The following GAK variants were observed in gnomAD, a reference collection of about 807,000 sequenced individuals.
The protein encoded by GAK is cyclin-G-associated kinase.
A neutral mutation model predicts 143.9 loss-of-function variants in GAK; 79 were observed. The observed-to-expected ratio is 0.55, with a 90% CI of 0.46 to 0.66. The LOEUF (loss-of-function observed/expected upper bound fraction) is 0.66, where lower values mean the gene tolerates loss of function less well. Among genes scored for constraint, GAK ranks in the 30% least tolerant of loss-of-function variants. GAK has a pLI of 0.00. For missense variants in GAK, 1,693 were observed against 1,779.7 expected (o/e 0.95, Z 0.88); for synonymous variants, 881 against 765.5 (o/e 1.15, Z -2.49).
chr4:877,234 T>A (rs1186218670), intron 16 of GAK, 27 bp from the exon 17 acceptor site: 2 of 1,521,042 alleles, frequency 1.3e-6, no homozygotes, highest in African/African-American at 1.4e-5. Context: ...AAGAGAAAAA[T>A]TTTAAAAACC....
At chr4:895,405 G>A (rs891700089) in intron 7 of GAK, among the ~76,000 whole-genome samples, 4 of 152,238 alleles carry the variant, frequency 2.6e-5, no homozygotes, top group South Asian at 2.1e-4. Flanking sequence ...GTCCTCGTGC[G>A]GGATGTGCAG....
chr4:855,984 G>A (rs1361538416), intron 24 of GAK, among the ~76,000 whole-genome samples: 1 of 152,174 alleles, frequency 6.6e-6, no homozygotes, highest in Non-Finnish European at 1.5e-5. Flanking sequence ...AAAGATGTTG[G>A]CTGCAGGTTT....
chr4:882,041 C>T lies in GAK; in HGVS notation c.1528-1G>A. Reference sequence around the variant, plus strand: ...CCACAGCAGACGCGGCTCTCCCGTCCTAGGACAGACAGACACGTCTCGCGT... The same window carrying T: ...CCACAGCAGACGCGGCTCTCCCGTCTTAGGACAGACAGACACGTCTCGCGT... On this transcript the variant is annotated splice_acceptor_variant, in intron 14 of 27. Transcript: ENST00000314167. LOFTEE classifies it high-confidence loss of function. 6.2e-7 allele frequency: 1 copy of T among 1,601,396 alleles called. No homozygotes were observed. Among genetic ancestry groups the T allele is most frequent in the East Asian group, 2.3e-5 (1 of 44,418 alleles).
At chr4:868,162 G>A (rs1005750876) in intron 20 of GAK, among the ~76,000 whole-genome samples, 1 of 152,128 alleles carries the variant, frequency 6.6e-6, no homozygotes, top group African/African-American at 2.4e-5. Context: ...CTGGGGGTGT[G>A]GGCAAAGAGA....
Position 870,844 on chromosome 4 carries a change from C to G in GAK, c.2115G>C (p.Leu705=). ...EKYPDLFQVN[L]EVEVEPRDRP... is the part of the protein sequence containing the mutation. ...TGTCCCTGGGCTCCACCTCCACTTCCAGGTTCACTTGAAATAAATCCGGGT... is the reference window on the plus strand; with the variant it reads ...TGTCCCTGGGCTCCACCTCCACTTCGAGGTTCACTTGAAATAAATCCGGGT... Residue 705 remains leucine (L), a synonymous_variant, in exon 19 of 28, where the codon CTG becomes CTC. Transcript: ENST00000314167. 1 of 1,614,110 alleles carries G rather than the reference C, an allele frequency of 6.2e-7. No homozygotes were observed. Among genetic ancestry groups the G allele is most frequent in the Non-Finnish European group, 8.5e-7 (1 of 1,180,002 alleles).
intron 1 of GAK, among the ~76,000 whole-genome samples, chr4:916,732 T>C (rs4690332): frequency 0.69 from 104,573 of 152,098 alleles, 36,106 homozygotes; most frequent in South Asian, 0.84. Context: ...GGAATGCTTA[T>C]GCACAGCTTT....
At chr4:904,516 A>T (rs1321066543) in intron 5 of GAK, 121 bp downstream of exon 5, 1 of 745,906 alleles carries the variant, frequency 1.3e-6, no homozygotes. Context: ...ACCGAGCGGG[A>T]CCCGCACACA....
intron 1 of GAK, among the ~76,000 whole-genome samples, chr4:916,165 C>T (rs756788264): frequency 6.6e-6 from 1 of 152,186 alleles, no homozygotes; most frequent in Non-Finnish European, 1.5e-5. Flanking sequence ...GAAAACTGGT[C>T]AGAGGATGAA....
At chr4:904,836 C>G (rs1577253428) in intron 4 of GAK, 57 bp from the exon 5 acceptor site, 1 of 1,570,148 alleles carries the variant, frequency 6.4e-7, no homozygotes, top group African/African-American at 1.4e-5. Context: ...AGACAGGGAA[C>G]CTAGGGCTGT....
chr4:876,732 GC>G (rs1560332899), intron 17 of GAK, 123 bp from the exon 18 acceptor site: 2 of 788,336 alleles, frequency 2.5e-6, no homozygotes, highest in Non-Finnish European at 4.3e-6. Flanking sequence ...CATGGACGGC[GC>G]CCCCGTGCCA....
At chr4:849,833 G>GGGGGGGGGGGCCCCCCC in intron 27 of GAK, 59 bp from the exon 28 acceptor site, 1 of 1,190,150 alleles carries the variant, frequency 8.4e-7, no homozygotes, top group Non-Finnish European at 1.2e-6. Context: ...GGCGGGGCAG[G>GGGGGGGGGGGCCCCCCC]ACCCCCCCCC....
chr4:932,249 C>T lies in GAK; in HGVS notation c.-62G>A, dbSNP rs574614112. Reference sequence around the variant, plus strand: ...GGTCGGGCTCGGGCTCCCGCTCCCTCGCCGTCCGGGTCAGCTCAGCAACCG... The same window carrying T: ...GGTCGGGCTCGGGCTCCCGCTCCCTTGCCGTCCGGGTCAGCTCAGCAACCG... On this transcript the variant is annotated 5_prime_UTR_variant, in exon 1 of 28. Coordinates refer to ENST00000314167, the MANE Select transcript of GAK (RefSeq NM_005255.4). The surrounding 1 kb of genome is among the most constrained non-coding windows in gnomAD (Gnocchi z 4.0). 1.4e-6 allele frequency: 2 copies of T among 1,464,058 alleles called. No individual in the cohort carries two copies. Among genetic ancestry groups the T allele is most frequent in the East Asian group, 2.8e-5 (1 of 35,736 alleles). 90.7% of individuals were successfully genotyped at this position (1,464,058 alleles called of 1,614,324 possible). A position where few individuals can be genotyped will look rare whatever the true frequency, so the allele number is the denominator to read the frequency against.
intron 15 of GAK, among the ~76,000 whole-genome samples, chr4:881,674 C>G (rs1715135926): frequency 6.6e-6 from 1 of 152,276 alleles, no homozygotes; most frequent in African/African-American, 2.4e-5. Context: ...CATGCACAAG[C>G]TGGGCAGGTG....
chr4:895,071 C>T (rs887313318), intron 7 of GAK, among the ~76,000 whole-genome samples: 1 of 152,204 alleles, frequency 6.6e-6, no homozygotes, highest in Admixed American at 6.5e-5. Flanking sequence ...GATCTATGAG[C>T]TGGTGGGACC....
chr4:874,009 T>A (rs1044828244), intron 18 of GAK, among the ~76,000 whole-genome samples: 1 of 152,206 alleles, frequency 6.6e-6, no homozygotes, highest in African/African-American at 2.4e-5. Flanking sequence ...ATATTTTTTG[T>A]TCCATTTTTC....
chr4:913,312 C>T (rs1722368542), intron 2 of GAK, among the ~76,000 whole-genome samples: 3 of 152,218 alleles, frequency 2.0e-5, no homozygotes, highest in Admixed American at 2.0e-4. Context: ...ATTCATAGAG[C>T]CCTTATTTTG....
At chr4:866,329 C>T (rs957630121) in intron 22 of GAK, 35 bp downstream of exon 22, 4 of 1,604,476 alleles carry the variant, frequency 2.5e-6, no homozygotes, top group Admixed American at 3.3e-5. Context: ...GGGAGGCGGC[C>T]ATGGAGAGCT....
At chr4:850,374 C>T in intron 26 of GAK, 1 of 317,144 alleles carries the variant, frequency 3.2e-6, no homozygotes, top group Non-Finnish European at 5.8e-6. Context: ...ATCCCAGGCC[C>T]CAGACTCCGA....
chr4:883,321 G>A lies in GAK; in HGVS notation c.1398C>T (p.His466=), dbSNP rs1002026008. The change falls in exon 13 of 28, where the codon CAC becomes CAT. Residue 466 remains histidine (H), a synonymous_variant. Transcript: ENST00000314167. ...SPRTYRPSRF[H]NRVSECGWAA... ...AAAGCCTGTGGCCACACACCCGGTT[G>A]TGGAACCTGGAGGGCCGGTAGGTCC... 2 of 1,613,354 alleles carry A rather than the reference G, an allele frequency of 1.2e-6. No homozygotes were observed. Among genetic ancestry groups the A allele is most frequent in the African/African-American group, 2.7e-5 (2 of 75,074 alleles).
Sources: gnomAD v4.1 joint callset for allele counts (sites outside exome capture counted in the v4.1 genomes callset) on GRCh38, gnomAD v4.1.1 for gene constraint, Gnocchi (gnomAD v3.1) non-coding constraint, MANE v1.5 for transcripts, NCBI Gene and HGNC (gene_info 2026-07-23, HGNC 2026-07-21) for gene names.